CACNA1E: variants seen among roughly 807,000 people sequenced by gnomAD.
CACNA1E encodes the protein calcium voltage-gated channel subunit alpha1 E, also known as voltage-dependent R-type calcium channel subunit alpha-1E.
A neutral mutation model predicts 259.2 loss-of-function variants in CACNA1E; 40 were observed. The observed-to-expected ratio is 0.15, with a 90% CI of 0.12 to 0.20. The LOEUF (loss-of-function observed/expected upper bound fraction) is 0.20. Among genes scored for constraint, CACNA1E ranks in the 10% least tolerant of loss-of-function variants. CACNA1E has a pLI of 1.00. For missense variants in CACNA1E, 1,874 were observed against 3,040.1 expected (o/e 0.62, Z 9.02); for synonymous variants, 1,104 against 1,138.5 (o/e 0.97, Z 0.61).
chr1:181,487,051 G>A (rs1180951274), intron 1 of CACNA1E, among the ~76,000 whole-genome samples: 1 of 150,874 alleles, frequency 6.6e-6, no homozygotes. Flanking sequence ...AAGAAAGGAA[G>A]GTTGTTCAGT....
intron 36 of CACNA1E, 94 bp from the exon 37 acceptor site, chr1:181,771,972 C>G: frequency 8.4e-7 from 1 of 1,185,536 alleles, no homozygotes; most frequent in South Asian, 1.4e-5. Context: ...TGGGCCCAGA[C>G]AAGAGCGAGG....
chr1:181,732,268 G>C lies in CACNA1E; in HGVS notation c.2298-116G>C. On this transcript the variant is annotated intron_variant, in intron 19 of 47. Coordinates refer to ENST00000367573, the MANE Select transcript of CACNA1E (RefSeq NM_001205293.3). This position sits in a 1 kb window ranked among gnomAD's most constrained non-coding sequence, Gnocchi z 5.5. The stretch of plus-strand genomic sequence containing the variant: ...TCTGTGCTTCCTGTCTGCAGGTCCT[G>C]GGCACTCCCATTTGCCCCCACCATG... 1 of 1,389,528 alleles carries C rather than the reference G, an allele frequency of 7.2e-7. No individual in the cohort carries two copies. Among genetic ancestry groups the C allele is most frequent in the Non-Finnish European group, 9.3e-7 (1 of 1,070,994 alleles). 86.1% of individuals were successfully genotyped at this position (1,389,528 alleles called of 1,614,324 possible).
intron 1 of CACNA1E, among the ~76,000 whole-genome samples, chr1:181,330,506 C>T (rs35665585): frequency 3.3e-5 from 5 of 152,198 alleles, no homozygotes; most frequent in East Asian, 3.9e-4. Context: ...AAACACAGCC[C>T]GAGTTCCGTG....
At chr1:181,484,820 CGCTGAGGCCAGAG>C (rs577359146) in intron 1 of CACNA1E, among the ~76,000 whole-genome samples, 1 of 152,304 alleles carries the variant, frequency 6.6e-6, no homozygotes, top group Non-Finnish European at 1.5e-5. Flanking sequence ...TGAATTCATC[CGCTGAGGCCAGAG>C]GTGTGCATGC....
In CACNA1E at chr1:181,575,060, T is replaced by C. The variant is rs567469777; in HGVS notation, c.513-2706T>C. On this transcript the variant is annotated intron_variant, in intron 3 of 47. Coordinates refer to ENST00000367573, the MANE Select transcript of CACNA1E (RefSeq NM_001205293.3). The stretch of plus-strand genomic sequence containing the variant: ...AAAGAATCCCATTGTCCCTGCTTAC[T>C]TTCTAACAGGTGAACGGGGAGCCGG... Among the ~76,000 whole-genome samples, 21 of 152,188 alleles carry C rather than the reference T, an allele frequency of 1.4e-4. No homozygotes were observed. In the East Asian group the frequency reaches 4.1e-3, roughly 29 times the overall value.
chr1:181,703,933 A>AT (rs1652534074), intron 7 of CACNA1E, among the ~76,000 whole-genome samples: 2 of 148,812 alleles, frequency 1.3e-5, no homozygotes. Context: ...ATAGCACTTC[A>AT]TGTAATGCCA....
chr1:181,495,418 TG>T (rs1316435534), intron 1 of CACNA1E, among the ~76,000 whole-genome samples: 3 of 152,248 alleles, frequency 2.0e-5, no homozygotes, highest in Non-Finnish European at 4.4e-5. Context: ...AATTTGCTTC[TG>T]GGGTGTATCA....
rs112664121 is a variant in CACNA1E at position 181,796,589 on chromosome 1, T to A, written c.6209-79T>A. On this transcript the variant is annotated intron_variant, in intron 46 of 47. Coordinates refer to ENST00000367573, the MANE Select transcript of CACNA1E (RefSeq NM_001205293.3). ...GGCCCAACCCCAGGCTGTGATGTGA[T>A]ACTTGGAGAGAAGTCCCTTCATCAT... 377 of 1,089,100 alleles carry A rather than the reference T, an allele frequency of 3.5e-4. 1 individual carries two copies. In the African/African-American group the frequency reaches 5.5e-3, roughly 16 times the overall value. 67.5% of individuals were successfully genotyped at this position (1,089,100 alleles called of 1,614,324 possible). A position where few individuals can be genotyped will look rare whatever the true frequency, so the allele number is the denominator to read the frequency against.
chr1:181,502,178 G>A (rs552192891), intron 1 of CACNA1E, among the ~76,000 whole-genome samples: 2 of 152,218 alleles, frequency 1.3e-5, no homozygotes, highest in Admixed American at 1.3e-4. Flanking sequence ...AAACACAGGG[G>A]TTTAGCCCTC....
At chr1:181,750,709 A>G (rs1335607316) in intron 26 of CACNA1E, among the ~76,000 whole-genome samples, 2 of 152,184 alleles carry the variant, frequency 1.3e-5, no homozygotes, top group Admixed American at 1.3e-4. Flanking sequence ...TCTTTTAGGT[A>G]TGTAGACAGA....
chr1:181,793,627 A>C, intron 44 of CACNA1E, 38 bp from the exon 45 acceptor site: 1 of 1,598,726 alleles, frequency 6.3e-7, no homozygotes, highest in Non-Finnish European at 8.5e-7. Flanking sequence ...ATGAGATGGA[A>C]CCAAGTCCCA....
chr1:181,491,897 A>C (rs561813708), intron 1 of CACNA1E, among the ~76,000 whole-genome samples: 1 of 152,336 alleles, frequency 6.6e-6, no homozygotes, highest in African/African-American at 2.4e-5. Context: ...AAGCATCAAC[A>C]AAGTGCCTCA....
intron 2 of CACNA1E, among the ~76,000 whole-genome samples, chr1:181,420,829 G>A (rs568618755): frequency 1.3e-5 from 2 of 152,204 alleles, no homozygotes; most frequent in South Asian, 2.1e-4. Context: ...AAAGAGGGAG[G>A]GGGTATTTCC....
chr1:181,353,597 G>T (rs889681962), intron 1 of CACNA1E, among the ~76,000 whole-genome samples: 1 of 152,188 alleles, frequency 6.6e-6, no homozygotes, highest in Non-Finnish European at 1.5e-5. Context: ...GTGACGGATG[G>T]GGGTGGGAAG....
At chr1:181,433,503 A>AT (rs1026320390) in intron 2 of CACNA1E, among the ~76,000 whole-genome samples, 21 of 152,062 alleles carry the variant, frequency 1.4e-4, no homozygotes, top group Non-Finnish European at 2.6e-4. Flanking sequence ...AACAATATAC[A>AT]TTTTTTTCTT....
intron 3 of CACNA1E, among the ~76,000 whole-genome samples, chr1:181,511,849 C>T (rs1666200202): frequency 6.6e-6 from 1 of 152,218 alleles, no homozygotes; most frequent in Admixed American, 6.5e-5. Flanking sequence ...TGAGCCTTTT[C>T]ACCAAAGCAA....
rs1418180071 is a variant in CACNA1E at position 181,800,510 on chromosome 1, T to C, written c.*1676T>C. 2.6e-5 allele frequency: 4 copies of C among 152,574 alleles called. No individual in the cohort carries two copies. Among genetic ancestry groups the C allele is most frequent in the Non-Finnish European group, 4.4e-5 (3 of 68,076 alleles). 9.5% of individuals were successfully genotyped at this position (152,574 alleles called of 1,614,324 possible). ...TATCTGGTGGAAATGTACCTTTCCC[T>C]TAAGTTCCTCCTTAGTGCCATCACA... On this transcript the variant is annotated 3_prime_UTR_variant, in exon 48 of 48. Transcript: ENST00000367573.
chr1:181,579,952 C>A (rs1651361153), intron 5 of CACNA1E, among the ~76,000 whole-genome samples: 1 of 152,176 alleles, frequency 6.6e-6, no homozygotes, highest in African/African-American at 2.4e-5. Context: ...GGGTACACAA[C>A]CCCAAATTCT....
At chr1:181,440,050 G>A (rs962260664) in intron 2 of CACNA1E, among the ~76,000 whole-genome samples, 1 of 152,178 alleles carries the variant, frequency 6.6e-6, no homozygotes, top group Non-Finnish European at 1.5e-5. Context: ...TTTATAGAAT[G>A]CTTTAGACCT....
Sources: allele counts gnomAD v4.1 joint callset (sites outside exome capture counted in the v4.1 genomes callset), GRCh38; gene constraint gnomAD v4.1.1; non-coding constraint Gnocchi (gnomAD v3.1); transcripts MANE v1.5; gene names NCBI Gene and HGNC (gene_info 2026-07-23, HGNC 2026-07-21).